The following ATRN variants were observed in gnomAD, a reference collection of about 807,000 sequenced individuals.
ATRN encodes attractin.
Under a neutral mutation model 178.7 loss-of-function variants are expected in ATRN, and 54 were observed. The ratio of observed to expected loss-of-function variants is 0.30; its 90% CI spans 0.24 to 0.38. ATRN has a LOEUF of 0.38. Ranked by LOEUF, ATRN falls within the 10% of genes least tolerant of loss-of-function variation. ATRN has a pLI of 1.00. For synonymous variants in ATRN, 636 were observed against 663.0 expected, an observed-to-expected ratio of 0.96 and a Z score of 0.63; for missense variants, 1,443 against 1,815.1, an observed-to-expected ratio of 0.79 and a Z score of 3.73.
At chr20:3,573,074 A>T in intron 12 of ATRN, 123 bp downstream of exon 12, 1 of 881,266 alleles carries the variant, frequency 1.1e-6, no homozygotes, top group Non-Finnish European at 1.7e-6. Context: ...TTCAGTAATA[A>T]CTTGTACAAA....
At chr20:3,518,379 T>C (rs2085235618) in intron 1 of ATRN, among the ~76,000 whole-genome samples, 1 of 152,172 alleles carries the variant, frequency 6.6e-6, no homozygotes, top group South Asian at 2.1e-4. Context: ...AAAATCACAT[T>C]ATGCTATGTG....
chr20:3,601,193 A>T (rs895823810), intron 23 of ATRN, among the ~76,000 whole-genome samples, 169 bp downstream of exon 23: 1 of 152,158 alleles, frequency 6.6e-6, no homozygotes, highest in Non-Finnish European at 1.5e-5. Context: ...TCTAAACCTT[A>T]GCATTATTTT....
At chr20:3,494,721 A>T (rs563328361) in intron 1 of ATRN, among the ~76,000 whole-genome samples, 28 of 152,336 alleles carry the variant, frequency 1.8e-4, no homozygotes, top group African/African-American at 6.3e-4. Context: ...TAAGTCTGAA[A>T]CATGGGTCTA....
intron 14 of ATRN, among the ~76,000 whole-genome samples, 196 bp from the exon 15 acceptor site, chr20:3,578,386 T>C (rs975264107): frequency 6.6e-6 from 1 of 152,190 alleles, no homozygotes. Flanking sequence ...CCGGGAGATA[T>C]CACCAGTAAA....
intron 1 of ATRN, among the ~76,000 whole-genome samples, chr20:3,492,856 C>CGCGCGCGCGCGCGCGT (rs2084817666): frequency 8.6e-6 from 1 of 116,562 alleles, no homozygotes; most frequent in African/African-American, 3.9e-5. Flanking sequence ...GAGAGAGAGG[C>CGCGCGCGCGCGCGCGT]GCGCGCGCGC....
At chr20:3,590,563 T>C (rs1400608879) in intron 18 of ATRN, among the ~76,000 whole-genome samples, 1 of 152,188 alleles carries the variant, frequency 6.6e-6, no homozygotes, top group Non-Finnish European at 1.5e-5. Flanking sequence ...CTTGTGGAAA[T>C]GTTTATCCGT....
chr20:3,594,283 T>G (rs2086492669), intron 19 of ATRN, among the ~76,000 whole-genome samples, 196 bp from the exon 20 acceptor site: 1 of 152,230 alleles, frequency 6.6e-6, no homozygotes, highest in Admixed American at 6.5e-5. Flanking sequence ...TGTCCTTTGT[T>G]TGGTTCCTTT....
At chr20:3,646,632 T>C in intron 28 of ATRN, 91 bp from the exon 29 acceptor site, 6 of 1,441,030 alleles carry the variant, frequency 4.2e-6, no homozygotes, top group Non-Finnish European at 5.5e-6. Flanking sequence ...TTTTGCACCA[T>C]GGGATTGAAA....
At chr20:3,535,909 T>G (rs894534573) in intron 2 of ATRN, among the ~76,000 whole-genome samples, 13 of 151,920 alleles carry the variant, frequency 8.6e-5, no homozygotes, top group African/African-American at 3.1e-4. Context: ...GGATTACAGG[T>G]GTGAGCCACT....
At chr20:3,495,957 T>TAAAAC (rs2084873196) in intron 1 of ATRN, among the ~76,000 whole-genome samples, 1 of 152,062 alleles carries the variant, frequency 6.6e-6, no homozygotes, top group African/African-American at 2.4e-5. Flanking sequence ...AAAACAGGGA[T>TAAAAC]GGAGGCTAGA....
At chr20:3,492,596 T>C (rs238720) in intron 1 of ATRN, among the ~76,000 whole-genome samples, 2,464 of 152,208 alleles carry the variant, frequency 0.016, 52 homozygotes, top group African/African-American at 0.045. Flanking sequence ...AAGGAAGTCT[T>C]TGATGGCAGT....
chr20:3,515,413 C>A (rs961420979), intron 1 of ATRN, among the ~76,000 whole-genome samples: 1 of 152,058 alleles, frequency 6.6e-6, no homozygotes, highest in African/African-American at 2.4e-5. Context: ...ATTGGGAAGG[C>A]AGGTAGATTT....
rs971353285 is a variant in ATRN, at chr20:3,645,519, C to T, written c.4166-1204C>T. ...CTGGTGTGCCCTGAGGGCAGGGTGG[C>T]GGCTGGGGCGGCAAGGTGACAGGTG... On this transcript the variant is annotated intron_variant, in intron 28 of 28. Transcript: ENST00000262919. The surrounding 1 kb of genome is among the most constrained non-coding windows in gnomAD (Gnocchi z 4.7). Among the ~76,000 whole-genome samples, 16 of 152,228 alleles carry T rather than the reference C, an allele frequency of 1.1e-4. No individual in the cohort carries two copies. Among genetic ancestry groups the T allele is most frequent in the East Asian group, 3.8e-4 (2 of 5,198 alleles).
At chr20:3,624,440 T>A (rs2086920949) in intron 24 of ATRN, 71 bp from the exon 25 acceptor site, 5 of 1,328,518 alleles carry the variant, frequency 3.8e-6, no homozygotes, top group African/African-American at 1.5e-5. Flanking sequence ...GCTTAACTCT[T>A]GAAATGAGAA....
intron 24 of ATRN, among the ~76,000 whole-genome samples, chr20:3,615,245 A>G (rs1008511902): frequency 6.6e-6 from 1 of 151,988 alleles, no homozygotes; most frequent in Admixed American, 6.6e-5. Flanking sequence ...GCTGGGCAAC[A>G]TAGTAAAACC....
At chr20:3,630,421 G>C (rs1019997389) in intron 25 of ATRN, among the ~76,000 whole-genome samples, 1 of 152,122 alleles carries the variant, frequency 6.6e-6, no homozygotes, top group African/African-American at 2.4e-5. Context: ...AGTAAACTTA[G>C]ACTCTTCAGG....
At chr20:3,501,410 C>G (rs559448996) in intron 1 of ATRN, among the ~76,000 whole-genome samples, 14 of 152,152 alleles carry the variant, frequency 9.2e-5, no homozygotes, top group Non-Finnish European at 2.1e-4. Context: ...CTAATTCCCA[C>G]TACAAGGAAC....
chr20:3,487,517 A>G (rs1253880998), intron 1 of ATRN, among the ~76,000 whole-genome samples: 2 of 152,078 alleles, frequency 1.3e-5, no homozygotes, highest in African/African-American at 4.8e-5. Context: ...TATGTTCTTT[A>G]TTGGATTGTT....
chr20:3,592,485 T>C (rs1029211963), intron 19 of ATRN: 2 of 984,428 alleles, frequency 2.0e-6, no homozygotes, highest in African/African-American at 3.5e-5. Flanking sequence ...GACATTTTAT[T>C]ATGAGAACAA....
Sources: gnomAD v4.1 joint callset for allele counts (sites outside exome capture counted in the v4.1 genomes callset) on GRCh38, gnomAD v4.1.1 for gene constraint, Gnocchi (gnomAD v3.1) non-coding constraint, MANE v1.5 for transcripts, NCBI Gene and HGNC (gene_info 2026-07-23, HGNC 2026-07-21) for gene names.